The following KAZN variants were observed in gnomAD, a reference collection of about 807,000 sequenced individuals.
The protein encoded by KAZN is kazrin.
Under a neutral mutation model 87.4 loss-of-function variants are expected in KAZN, and 40 were observed. The observed-to-expected ratio is 0.46, with a 90% CI of 0.36 to 0.60. The LOEUF (loss-of-function observed/expected upper bound fraction) is 0.60, where lower values mean the gene tolerates loss of function less well. Ranked by LOEUF, KAZN falls within the 20% of genes least tolerant of loss-of-function variation. The pLI is 0.00. For missense variants in KAZN, 898 were observed against 1,073.9 expected (o/e 0.84, Z 2.29); for synonymous variants, 466 against 458.3 (o/e 1.02, Z -0.22).
At position 14,820,846 on chromosome 1, in the gene KAZN, A is replaced by G. The variant is rs1432116015; in HGVS notation, c.227-139838A>G. 6.6e-6 allele frequency among the ~76,000 whole-genome samples: 1 copy of G among 152,130 alleles called. No individual in the cohort carries two copies. The highest frequency in any genetic ancestry group is 1.5e-5 in the Non-Finnish European group (1 of 68,014). ...TGGCAGTCTGATGCAGGGAAGGGAT[A>G]CGCCCAAGATGGCCAGGAGAGAAGA... On this transcript the variant is annotated intron_variant, in intron 1 of 14. Coordinates refer to ENST00000376030, the MANE Select transcript of KAZN (RefSeq NM_201628.3). This position sits in a 1 kb window ranked among gnomAD's most constrained non-coding sequence, Gnocchi z 4.1.
At chr1:14,175,905 C>A (rs1189663801) in intron 1 of KAZN, among the ~76,000 whole-genome samples, 1 of 152,090 alleles carries the variant, frequency 6.6e-6, no homozygotes, top group Non-Finnish European at 1.5e-5. Context: ...TTGTCGTAGA[C>A]CATGGGTAGG....
chr1:14,355,363 T>C (rs970402277), intron 2 of KAZN, among the ~76,000 whole-genome samples: 1 of 151,980 alleles, frequency 6.6e-6, no homozygotes. Flanking sequence ...AAATACAAAA[T>C]TATAACATTA....
At chr1:14,716,683 T>C (rs965354357) in intron 1 of KAZN, among the ~76,000 whole-genome samples, 20 of 152,152 alleles carry the variant, frequency 1.3e-4, no homozygotes, top group Non-Finnish European at 2.8e-4. Context: ...CATTTCACCA[T>C]GTGCCTGAGC....
chr1:14,676,949 G>C (rs758229892), intron 1 of KAZN, among the ~76,000 whole-genome samples: 2 of 152,110 alleles, frequency 1.3e-5, no homozygotes, highest in Non-Finnish European at 2.9e-5. Context: ...GAATTTTAGG[G>C]TATAAGTATT....
chr1:15,109,924 GGTGT>G (rs202121050), intron 13 of KAZN, among the ~76,000 whole-genome samples: 1 of 18,218 alleles, frequency 5.5e-5, no homozygotes, highest in African/African-American at 2.5e-4. Context: ...TTTGTGTATG[GGTGT>G]GTGTGTGTGT....
intron 1 of KAZN, among the ~76,000 whole-genome samples, chr1:14,126,533 T>C (rs1644872136): frequency 6.6e-6 from 1 of 152,104 alleles, no homozygotes; most frequent in African/African-American, 2.4e-5. Flanking sequence ...TTGTACAGAG[T>C]GGTGCATTTT....
intron 1 of KAZN, among the ~76,000 whole-genome samples, chr1:14,009,926 A>C (rs1188086018): frequency 6.6e-6 from 1 of 151,984 alleles, no homozygotes; most frequent in Non-Finnish European, 1.5e-5. Context: ...CACACTGGGA[A>C]ACCGGGTGGT....
At chr1:15,001,797 C>T (rs1256248376) in intron 2 of KAZN, among the ~76,000 whole-genome samples, 2 of 151,184 alleles carry the variant, frequency 1.3e-5, no homozygotes, top group South Asian at 2.1e-4. Flanking sequence ...ACTGTCTGTT[C>T]CACGGGTGGG....
At chr1:14,315,851 GCT>G (rs1486363017) in intron 2 of KAZN, among the ~76,000 whole-genome samples, 3 of 151,898 alleles carry the variant, frequency 2.0e-5, no homozygotes, top group Admixed American at 1.3e-4. Context: ...GAATAAGGTT[GCT>G]GTAAACATTC....
chr1:15,031,956 A>G (rs1671754769), intron 2 of KAZN, among the ~76,000 whole-genome samples: 1 of 152,014 alleles, frequency 6.6e-6, no homozygotes. Flanking sequence ...TAATTCACAT[A>G]CCATGCAGTT....
chr1:14,883,355 A>AAAAGAAAGAAAGAAAGAAAGAAAG lies in KAZN; in HGVS notation c.227-77281_227-77258dup. 2.1e-3 allele frequency among the ~76,000 whole-genome samples: 43 copies of AAAAGAAAGAAAGAAAGAAAGAAAG among 20,612 alleles called. 5 individuals are homozygous for AAAAGAAAGAAAGAAAGAAAGAAAG. The highest frequency in any genetic ancestry group is 2.7e-3 in the African/African-American group (18 of 6,552). The allele number at this position is 20,612 out of a possible 152,430, so 13.5% of individuals were successfully genotyped here. ...GAGAGAGAGAGAGAAAGAAAGAAAGAAAAGAAAGAAAGAAAGAAAGAAAGA... is the reference window on the plus strand; with the variant it reads ...GAGAGAGAGAGAGAAAGAAAGAAAGAAAAGAAAGAAAGAAAGAAAGAAAGAAAGAAAGAAAGAAAGAAAGAAAGA... On this transcript the variant is annotated intron_variant, in intron 1 of 14. Transcript: ENST00000376030.
intron 2 of KAZN, among the ~76,000 whole-genome samples, chr1:14,420,713 G>A (rs1445702983): frequency 1.3e-5 from 2 of 152,268 alleles, no homozygotes; most frequent in East Asian, 1.9e-4. Flanking sequence ...TCTGCTGGGG[G>A]ACCTGGCGCA....
chr1:13,900,710 C>T (rs1036576377), intron 1 of KAZN, among the ~76,000 whole-genome samples: 2 of 152,128 alleles, frequency 1.3e-5, no homozygotes, highest in East Asian at 1.9e-4. Context: ...CCACTTCTGC[C>T]GTTCACTAGC....
intron 3 of KAZN, among the ~76,000 whole-genome samples, chr1:15,035,617 G>C (rs1672182049): frequency 6.6e-6 from 1 of 152,176 alleles, no homozygotes; most frequent in African/African-American, 2.4e-5. Context: ...GGAGACCCAG[G>C]TGGGTGGAAT....
intron 2 of KAZN, among the ~76,000 whole-genome samples, chr1:14,514,256 C>T (rs1208246386): frequency 7.6e-6 from 1 of 132,434 alleles, no homozygotes; most frequent in African/African-American, 2.9e-5. Context: ...ACCCGGGAGG[C>T]GGAGCTTGCA....
At chr1:13,913,965 T>G (rs2100877738) in intron 1 of KAZN, among the ~76,000 whole-genome samples, 1 of 152,314 alleles carries the variant, frequency 6.6e-6, no homozygotes, top group South Asian at 2.1e-4. Context: ...AGGCAGATTC[T>G]CAGGCCTCAC....
rs150893126 is a variant in KAZN, at chr1:14,287,248, T to A, written c.249+106656T>A. On this transcript the variant is annotated intron_variant, in intron 2 of 16. Transcript: ENST00000636203. ...CTGGTTCACCCAACATCCATTGCCT[T>A]TTCTGATTCCCTTCCCACTTGTCTT... is the stretch of plus-strand genomic sequence containing the variant. Among the ~76,000 whole-genome samples, 924 of 152,282 alleles carry A rather than the reference T, an allele frequency of 6.1e-3. 14 individuals carry two copies. Among genetic ancestry groups the A allele is most frequent in the African/African-American group, 0.021 (893 of 41,560 alleles).
chr1:14,288,890 C>G (rs893271676), intron 2 of KAZN, among the ~76,000 whole-genome samples: 3 of 152,146 alleles, frequency 2.0e-5, no homozygotes, highest in Non-Finnish European at 4.4e-5. Context: ...TGTCTTTGTT[C>G]TCATTGGTTC....
At chr1:14,644,354 TG>T (rs1221206951) in intron 1 of KAZN, among the ~76,000 whole-genome samples, 1 of 148,342 alleles carries the variant, frequency 6.7e-6, no homozygotes, top group Non-Finnish European at 1.5e-5. Flanking sequence ...CTTGTAAATT[TG>T]TTTTTTTTTT....
Sources: gnomAD v4.1 joint callset for allele counts (sites outside exome capture counted in the v4.1 genomes callset) on GRCh38, gnomAD v4.1.1 for gene constraint, Gnocchi (gnomAD v3.1) non-coding constraint, MANE v1.5 for transcripts, NCBI Gene and HGNC (gene_info 2026-07-23, HGNC 2026-07-21) for gene names.